PTGFRN: variants seen among roughly 807,000 people sequenced by gnomAD.
The protein encoded by PTGFRN is prostaglandin F2 receptor inhibitor.
PTGFRN carries 35 observed loss-of-function variants against 83.2 expected under a neutral mutation model. That is an observed-to-expected ratio of 0.42 (90% CI 0.32 to 0.56). The LOEUF (loss-of-function observed/expected upper bound fraction) is 0.56. PTGFRN is among the 20% of genes least tolerant of loss of function. The pLI is 0.11. For missense variants in PTGFRN, 1,051 were observed against 1,179.5 expected (o/e 0.89, Z 1.60); for synonymous variants, 519 against 498.6 (o/e 1.04, Z -0.55).
chr1:116,910,273 G>C (rs1262468242), intron 1 of PTGFRN, 21 bp downstream of exon 1: 15 of 1,407,730 alleles, frequency 1.1e-5, no homozygotes, highest in South Asian at 9.2e-5. Flanking sequence ...GCGGGGCTCA[G>C]CGGGGCACAC....
intron 1 of PTGFRN, among the ~76,000 whole-genome samples, chr1:116,915,926 G>C (rs1038342023): frequency 6.6e-6 from 1 of 152,352 alleles, no homozygotes; most frequent in South Asian, 2.1e-4. Flanking sequence ...AAAAGGTGAA[G>C]TGCTGCAGTT....
intron 2 of PTGFRN, among the ~76,000 whole-genome samples, chr1:116,944,169 T>C (rs1337451951): frequency 6.6e-6 from 1 of 152,228 alleles, no homozygotes; most frequent in East Asian, 1.9e-4. Flanking sequence ...ACTTTAAGTC[T>C]AGAAGGTCAC....
At chr1:116,966,369 G>C (rs548945844) in intron 5 of PTGFRN, among the ~76,000 whole-genome samples, 1 of 152,370 alleles carries the variant, frequency 6.6e-6, no homozygotes, top group South Asian at 2.1e-4. Flanking sequence ...CAATACATCT[G>C]TTCTGTAATG....
chr1:116,966,243 AAAG>A (rs766257431), intron 5 of PTGFRN, among the ~76,000 whole-genome samples: 96 of 152,388 alleles, frequency 6.3e-4, no homozygotes, highest in Admixed American at 4.8e-3. Context: ...ACTTAAACCT[AAAG>A]TTAGCGTAGC....
In PTGFRN at chr1:116,966,891, C is replaced by A; in HGVS notation, c.1640-20C>A. The A allele has an allele frequency of 6.4e-7, 1 of 1,574,468 alleles. No individual in the cohort carries two copies. The highest frequency in any genetic ancestry group is 8.7e-7 in the Non-Finnish European group (1 of 1,155,548). The stretch of plus-strand genomic sequence containing the variant: ...AACTGATCTTGTTGGAAATCACATC[C>A]TTCTGGTCATTCATTCCAGATTCCG... On this transcript the variant is annotated intron_variant, in intron 5 of 8. Transcript: ENST00000393203.
rs1651103904 is a variant in PTGFRN at position 116,974,915 on chromosome 1, G to A, written c.2167+592G>A. 3.3e-5 allele frequency among the ~76,000 whole-genome samples: 5 copies of A among 152,210 alleles called. No homozygotes were observed. In the South Asian group the frequency reaches 8.3e-4, roughly 25 times the overall value. On this transcript the variant is annotated intron_variant, in intron 7 of 8. Transcript: ENST00000393203. The stretch of plus-strand genomic sequence containing the variant: ...TACAGCCCACCGAGCGTGAGCCGAA[G>A]CAGGGCAAGGCATCAACTCACCCGG...
intron 3 of PTGFRN, among the ~76,000 whole-genome samples, chr1:116,946,205 G>A (rs184064727): frequency 1.3e-5 from 2 of 152,312 alleles, no homozygotes; most frequent in African/African-American, 2.4e-5. Context: ...GAAACAACAC[G>A]CAGGGGGAAT....
intron 1 of PTGFRN, among the ~76,000 whole-genome samples, chr1:116,932,331 A>G (rs1649820396): frequency 2.6e-5 from 4 of 152,174 alleles, no homozygotes; most frequent in Admixed American, 6.5e-5. Flanking sequence ...ACCTGTCCCC[A>G]TCGATTCCAC....
intron 1 of PTGFRN, among the ~76,000 whole-genome samples, chr1:116,926,152 A>T (rs1427455027): frequency 6.6e-6 from 1 of 152,238 alleles, no homozygotes; most frequent in Admixed American, 6.5e-5. Context: ...AACGGGAGAG[A>T]GGACAGAGCT....
chr1:116,943,749 C>T (rs549903303), intron 2 of PTGFRN, among the ~76,000 whole-genome samples: 1 of 152,130 alleles, frequency 6.6e-6, no homozygotes, highest in Non-Finnish European at 1.5e-5. Context: ...CAGGATGTGT[C>T]CTCCTAAAAA....
rs747117386 is a variant in PTGFRN, at chr1:116,974,310, A to G, written c.2154A>G (p.Ala718=). The G allele has an allele frequency of 6.2e-7, 1 of 1,607,746 alleles. No individual in the cohort carries two copies. The highest frequency in any genetic ancestry group is 8.5e-7 in the Non-Finnish European group (1 of 1,174,374). The change falls in exon 7 of 9, where the codon GCA becomes GCG. Residue 718 remains alanine, a synonymous_variant. Transcript: ENST00000393203. The part of the protein sequence containing the change: ...KLFCIITVEG[A]ALDPDDMAFD... ...TCTGTATCATCACTGTCGAGGGAGCAGCACTGGATCCAGGTACCTCACTCC... is the reference window on the plus strand; with the variant it reads ...TCTGTATCATCACTGTCGAGGGAGCGGCACTGGATCCAGGTACCTCACTCC...
intron 1 of PTGFRN, among the ~76,000 whole-genome samples, chr1:116,911,516 G>T (rs2101047637): frequency 6.6e-6 from 1 of 152,320 alleles, no homozygotes; most frequent in East Asian, 1.9e-4. Flanking sequence ...ACCTTGAAGG[G>T]ATTTTCTGAA....
Position 116,984,710 on chromosome 1 carries a change from C to T in PTGFRN, c.2198C>T (p.Ala733Val), listed in dbSNP as rs775510089. 9.9e-6 allele frequency: 16 copies of T among 1,614,082 alleles called. No homozygotes were observed. Among genetic ancestry groups the T allele is most frequent in the Admixed American group, 1.7e-5 (1 of 60,018 alleles). The change falls in exon 8 of 9, where the codon GCG becomes GTG. Residue 733 changes from alanine to valine, a missense_variant. Ala to Val is a moderately conservative substitution (Grantham distance 64). Around this residue, in one of 3 missense-constraint regions of PTGFRN, gnomAD observed 719 missense variants for 836.6 expected, o/e 0.86. Coordinates refer to ENST00000393203, the MANE Select transcript of PTGFRN (RefSeq NM_020440.4). ...DDMAFDVSWF[A>V]VHSFGLDKAP... is the part of the protein sequence containing the mutation. ...ATGGCCTTTGATGTGTCCTGGTTTG[C>T]GGTGCACTCTTTTGGCCTGGACAAG...
intron 1 of PTGFRN, among the ~76,000 whole-genome samples, chr1:116,914,372 GC>G (rs1649347573): frequency 6.6e-6 from 1 of 152,218 alleles, no homozygotes; most frequent in Non-Finnish European, 1.5e-5. Flanking sequence ...GAAGCCATGT[GC>G]CAGCTACTAT....
intron 4 of PTGFRN, among the ~76,000 whole-genome samples, chr1:116,956,266 T>TA (rs1650489561): frequency 6.6e-6 from 1 of 152,206 alleles, no homozygotes. Flanking sequence ...GCCTTTGCAT[T>TA]AAAACTGAGG....
intron 6 of PTGFRN, 56 bp from the exon 7 acceptor site, chr1:116,974,160 G>A: frequency 7.3e-7 from 1 of 1,363,406 alleles, no homozygotes; most frequent in Admixed American, 1.7e-5. Context: ...TGCAAAGAAT[G>A]GAATTTGACA....
chr1:116,964,436 G>A (rs1034528407), intron 5 of PTGFRN, among the ~76,000 whole-genome samples: 2 of 152,102 alleles, frequency 1.3e-5, no homozygotes, highest in Non-Finnish European at 2.9e-5. Flanking sequence ...AACTTTATTA[G>A]CCATTTCTCA....
chr1:116,950,000 G>T (rs1306328939), intron 4 of PTGFRN, among the ~76,000 whole-genome samples: 1 of 151,828 alleles, frequency 6.6e-6, no homozygotes, highest in Non-Finnish European at 1.5e-5. Flanking sequence ...TTATTAGAAA[G>T]CATTTTTTTT....
intron 3 of PTGFRN, among the ~76,000 whole-genome samples, chr1:116,948,031 AG>A (rs1469832456): frequency 1.3e-5 from 2 of 152,212 alleles, no homozygotes; most frequent in African/African-American, 4.8e-5. Context: ...ATTTACGCCA[AG>A]GAGCACGGGC....
Sources: gnomAD v4.1 joint callset for allele counts (sites outside exome capture counted in the v4.1 genomes callset) on GRCh38, gnomAD v4.1.1 for gene constraint, gnomAD v4.1.1 regional missense constraint, MANE v1.5 for transcripts, NCBI Gene and HGNC (gene_info 2026-07-23, HGNC 2026-07-21) for gene names.